Variants in SDC2 observed in about 807,000 individuals in gnomAD.
The protein encoded by SDC2 is syndecan-2.
A neutral mutation model predicts 22.2 loss-of-function variants in SDC2; 13 were observed. That is an observed-to-expected ratio of 0.59 (90% CI 0.38 to 0.93). SDC2 has a LOEUF of 0.93. Ranked by LOEUF, SDC2 falls within the 40% of genes least tolerant of loss-of-function variation. SDC2 has a pLI of 0.00. For missense variants in SDC2, 235 were observed against 246.8 expected, an observed-to-expected ratio of 0.95 and a Z score of 0.32; for synonymous variants, 94 against 92.8, an observed-to-expected ratio of 1.01 and a Z score of -0.07.
rs768790965 is a variant in SDC2, at chr8:96,494,251, A to G, written c.-21A>G. 7 of 1,541,454 alleles carry G rather than the reference A, an allele frequency of 4.5e-6. No individual in the cohort carries two copies. The highest frequency in any genetic ancestry group is 6.1e-6 in the Non-Finnish European group (7 of 1,146,956). On this transcript the variant is annotated 5_prime_UTR_variant, in exon 1 of 5. Coordinates refer to ENST00000302190, the MANE Select transcript of SDC2 (RefSeq NM_002998.4). ...GCCCTGGTTGCAAGCAGCGGCTGGG[A>G]GCAGCCGGTCCCTGGGGAATATGCG...
chr8:96,539,432 A>G (rs1813809891), intron 1 of SDC2, among the ~76,000 whole-genome samples: 1 of 152,240 alleles, frequency 6.6e-6, no homozygotes, highest in African/African-American at 2.4e-5. Flanking sequence ...ATTTTATAAT[A>G]TGTTGACTCA....
intron 1 of SDC2, among the ~76,000 whole-genome samples, chr8:96,585,188 T>A (rs540838133): frequency 6.6e-6 from 1 of 152,246 alleles, no homozygotes; most frequent in Non-Finnish European, 1.5e-5. Context: ...GATTTTGTAA[T>A]GCAAGTGTTT....
intron 1 of SDC2, among the ~76,000 whole-genome samples, chr8:96,582,785 C>G (rs962400811): frequency 1.3e-5 from 2 of 152,168 alleles, no homozygotes; most frequent in Non-Finnish European, 2.9e-5. Flanking sequence ...GTGCAGGCAT[C>G]TCCCTCCTCT....
chr8:96,512,026 C>T (rs989454676), intron 1 of SDC2, among the ~76,000 whole-genome samples: 1 of 152,176 alleles, frequency 6.6e-6, no homozygotes, highest in African/African-American at 2.4e-5. Context: ...CCTGCTGGTC[C>T]AAGGTGGCCA....
At chr8:96,514,459 C>T (rs115462791) in intron 1 of SDC2, among the ~76,000 whole-genome samples, 1,627 of 152,248 alleles carry the variant, frequency 0.011, 19 homozygotes, top group African/African-American at 0.036. Flanking sequence ...AACCCTTCTT[C>T]GGCTGGACAG....
chr8:96,558,368 A>G (rs1266807619), intron 1 of SDC2, among the ~76,000 whole-genome samples: 5 of 152,076 alleles, frequency 3.3e-5, no homozygotes, highest in South Asian at 4.2e-4. Flanking sequence ...ATAGGCCTTC[A>G]TGGATAGGTA....
At chr8:96,560,032 T>C (rs1482692620) in intron 1 of SDC2, among the ~76,000 whole-genome samples, 1 of 152,214 alleles carries the variant, frequency 6.6e-6, no homozygotes, top group East Asian at 1.9e-4. Context: ...TCCAATTCAA[T>C]GGTTTTTAGC....
At chr8:96,557,710 G>A (rs1049089945) in intron 1 of SDC2, among the ~76,000 whole-genome samples, 1 of 151,994 alleles carries the variant, frequency 6.6e-6, no homozygotes, top group Non-Finnish European at 1.5e-5. Flanking sequence ...CACCAGCATG[G>A]CACATGTATA....
intron 2 of SDC2, among the ~76,000 whole-genome samples, chr8:96,598,382 G>T (rs1586323207): frequency 6.6e-6 from 1 of 152,188 alleles, no homozygotes; most frequent in African/African-American, 2.4e-5. Flanking sequence ...AGCAGTTTGG[G>T]AGGCTGAGGT....
Position 96,512,445 on chromosome 8 carries a change from A to T in SDC2, c.60+18114A>T, listed in dbSNP as rs114733808. 8.1e-3 allele frequency among the ~76,000 whole-genome samples: 1,227 copies of T among 152,304 alleles called. 21 individuals carry two copies. Among genetic ancestry groups the T allele is most frequent in the African/African-American group, 0.027 (1,133 of 41,564 alleles). ...CTTCCTAGTTCCTTAATTTCTGGGA[A>T]CTACACATGAAGAAGTGTCCCCAGA... On this transcript the variant is annotated intron_variant, in intron 1 of 4. Transcript: ENST00000302190.
At chr8:96,522,922 C>A (rs1348781094) in intron 1 of SDC2, among the ~76,000 whole-genome samples, 10 of 152,126 alleles carry the variant, frequency 6.6e-5, no homozygotes, top group Admixed American at 6.5e-4. Flanking sequence ...TAGCTTTATA[C>A]AAATGAGTGT....
chr8:96,496,103 G>A (rs2575705), intron 1 of SDC2, among the ~76,000 whole-genome samples: 9,224 of 152,176 alleles, frequency 0.061, 371 homozygotes, highest in Middle Eastern at 0.18. Context: ...GGTTAAGGAG[G>A]CCCTTTTTTT....
chr8:96,566,139 A>G (rs1211202052), intron 1 of SDC2, among the ~76,000 whole-genome samples: 1 of 152,224 alleles, frequency 6.6e-6, no homozygotes, highest in Non-Finnish European at 1.5e-5. Flanking sequence ...GTAAAGCAGC[A>G]AACTGAAAGT....
At chr8:96,496,516 A>G (rs549709185) in intron 1 of SDC2, among the ~76,000 whole-genome samples, 247 of 152,358 alleles carry the variant, frequency 1.6e-3, no homozygotes, top group Middle Eastern at 3.4e-3. Context: ...AATGGCTAAC[A>G]GTCCATTTAA....
At position 96,513,679 on chromosome 8, in the gene SDC2, G is replaced by A. The variant is rs192511132; in HGVS notation, c.60+19348G>A. Among the ~76,000 whole-genome samples the A allele has an allele frequency of 2.7e-3, 412 of 152,270 alleles. 4 individuals carry two copies. The highest frequency in any genetic ancestry group is 7.3e-4 in the Non-Finnish European group (50 of 68,032). Reference sequence around the variant, plus strand: ...CTAATAAGCATGAGAAAGATGTAACGTCATGACTTGCACCTGACCCTTTGT... The same window carrying A: ...CTAATAAGCATGAGAAAGATGTAACATCATGACTTGCACCTGACCCTTTGT... On this transcript the variant is annotated intron_variant, in intron 1 of 4. Coordinates refer to ENST00000302190, the MANE Select transcript of SDC2 (RefSeq NM_002998.4).
At chr8:96,566,173 A>T (rs1814296619) in intron 1 of SDC2, among the ~76,000 whole-genome samples, 1 of 152,152 alleles carries the variant, frequency 6.6e-6, no homozygotes, top group Non-Finnish European at 1.5e-5. Flanking sequence ...CATGATTATT[A>T]TACTTGTTGG....
At chr8:96,540,016 A>G (rs2130508915) in intron 1 of SDC2, among the ~76,000 whole-genome samples, 1 of 152,274 alleles carries the variant, frequency 6.6e-6, no homozygotes, top group East Asian at 1.9e-4. Flanking sequence ...ATATTGACGG[A>G]AGAAATCCTT....
At chr8:96,568,836 A>G (rs1814343098) in intron 1 of SDC2, among the ~76,000 whole-genome samples, 1 of 152,178 alleles carries the variant, frequency 6.6e-6, no homozygotes, top group Non-Finnish European at 1.5e-5. Flanking sequence ...TAAATGGGGA[A>G]CTGTTCATCT....
At chr8:96,602,828 T>C (rs1232023524) in intron 3 of SDC2, among the ~76,000 whole-genome samples, 1 of 152,196 alleles carries the variant, frequency 6.6e-6, no homozygotes, top group East Asian at 1.9e-4. Context: ...TGGCCCTCCT[T>C]CTTAAGGAAC....
Sources: allele counts gnomAD v4.1 joint callset (sites outside exome capture counted in the v4.1 genomes callset), GRCh38; gene constraint gnomAD v4.1.1; transcripts MANE v1.5; gene names NCBI Gene and HGNC (gene_info 2026-07-23, HGNC 2026-07-21).